Variants in PDE1C observed in about 807,000 individuals in gnomAD.
PDE1C encodes the protein phosphodiesterase 1C.
A neutral mutation model predicts 93.1 loss-of-function variants in PDE1C; 62 were observed. The ratio of observed to expected loss-of-function variants is 0.67; its 90% CI spans 0.54 to 0.82. The LOEUF is 0.82. PDE1C is among the 40% of genes least tolerant of loss of function. The pLI, the probability that PDE1C is intolerant of heterozygous loss-of-function variation, is 0.00. For missense variants in PDE1C, 742 were observed against 884.6 expected (o/e 0.84, Z 2.04); for synonymous variants, 325 against 310.1 (o/e 1.05, Z -0.50).
At chr7:31,836,839 C>T (rs1209240753) in intron 11 of PDE1C, among the ~76,000 whole-genome samples, 1 of 151,842 alleles carries the variant, frequency 6.6e-6, no homozygotes, top group Non-Finnish European at 1.5e-5. Context: ...CATCTTAATC[C>T]CATAGGGTGA....
intron 2 of PDE1C, among the ~76,000 whole-genome samples, chr7:32,186,992 T>A (rs982555717): frequency 1.3e-5 from 2 of 152,246 alleles, no homozygotes; most frequent in Admixed American, 6.5e-5. Flanking sequence ...CTACCAGAGC[T>A]AGCTCCTTTT....
chr7:32,007,704 TC>T (rs1786468771), intron 2 of PDE1C, among the ~76,000 whole-genome samples: 1 of 152,200 alleles, frequency 6.6e-6, no homozygotes, highest in South Asian at 2.1e-4. Context: ...GCACAACTAG[TC>T]ATTCCACGTA....
the PDE1C span, among the ~76,000 whole-genome samples, chr7:31,634,921 C>T: frequency 5.3e-5 from 8 of 152,130 alleles, no homozygotes; most frequent in South Asian, 2.1e-4. Context: ...GGCAATGAGA[C>T]GTCTCAAGTT....
intron 2 of PDE1C, among the ~76,000 whole-genome samples, chr7:31,924,519 C>A (rs911047349): frequency 6.6e-6 from 1 of 152,190 alleles, no homozygotes; most frequent in African/African-American, 2.4e-5. Context: ...ACAAATAAAT[C>A]TCTTCCTTGC....
intron 2 of PDE1C, among the ~76,000 whole-genome samples, chr7:32,196,196 T>A (rs548578068): frequency 6.6e-6 from 1 of 152,314 alleles, no homozygotes; most frequent in South Asian, 2.1e-4. Context: ...AGATACCTTG[T>A]TACAGCCTTG....
At chr7:31,669,893 C>T in the PDE1C span, among the ~76,000 whole-genome samples, 1 of 152,184 alleles carries the variant, frequency 6.6e-6, no homozygotes, top group Admixed American at 6.5e-5. Flanking sequence ...TCTCTAACCC[C>T]TACCCTTTGA....
In PDE1C at chr7:32,389,119, G is replaced by A. The variant is rs544839105; in HGVS notation, c.310+38703C>T. The stretch of plus-strand genomic sequence containing the variant: ...ATATAATCAGCTAGATGAAAGGCAG[G>A]TTATCTACAGTGGAACAACCTTTAA... On this transcript the variant is annotated intron_variant, in intron 1 of 1. Coordinates refer to the PDE1C transcript ENST00000672256. 9.3e-4 allele frequency among the ~76,000 whole-genome samples: 140 copies of A among 151,226 alleles called. No individual in the cohort carries two copies. The Middle Eastern group carries it at 0.01, about 11-fold the overall frequency.
chr7:31,885,270 A>G (rs1302681069), intron 2 of PDE1C, among the ~76,000 whole-genome samples: 2 of 152,212 alleles, frequency 1.3e-5, no homozygotes, highest in Non-Finnish European at 2.9e-5. Flanking sequence ...GAGAGAATGA[A>G]TGTTCATAGT....
chr7:32,335,462 GA>G (rs761293028), intron 1 of PDE1C, among the ~76,000 whole-genome samples: 105 of 152,210 alleles, frequency 6.9e-4, no homozygotes, highest in Non-Finnish European at 1.3e-3. Flanking sequence ...GTGGCTTAAA[GA>G]ATGGAAATTC....
At chr7:32,016,110 T>A (rs1787871873) in intron 2 of PDE1C, among the ~76,000 whole-genome samples, 1 of 152,202 alleles carries the variant, frequency 6.6e-6, no homozygotes, top group African/African-American at 2.4e-5. Flanking sequence ...AAGGTGGGAA[T>A]AAATATGACT....
chr7:31,661,490 A>G, the PDE1C span, among the ~76,000 whole-genome samples: 5 of 152,124 alleles, frequency 3.3e-5, no homozygotes, highest in East Asian at 1.9e-4. Flanking sequence ...AGGTGGGTGG[A>G]TCACCTGAGG....
At chr7:32,023,201 A>G (rs1335113265) in intron 2 of PDE1C, among the ~76,000 whole-genome samples, 3 of 152,132 alleles carry the variant, frequency 2.0e-5, no homozygotes, top group African/African-American at 4.8e-5. Context: ...AATAAGACGG[A>G]TAGAACAAAA....
chr7:31,911,655 C>G (rs528494330), intron 2 of PDE1C, among the ~76,000 whole-genome samples: 1 of 152,278 alleles, frequency 6.6e-6, no homozygotes, highest in East Asian at 1.9e-4. Context: ...AGAAGTCATT[C>G]CCATTTACTA....
At chr7:31,742,233 T>C in the PDE1C span, among the ~76,000 whole-genome samples, 1 of 152,230 alleles carries the variant, frequency 6.6e-6, no homozygotes, top group Non-Finnish European at 1.5e-5. Context: ...CACTTGCTCA[T>C]GAAGACCCTG....
the PDE1C span, among the ~76,000 whole-genome samples, chr7:31,642,497 C>T: frequency 5.9e-5 from 9 of 152,294 alleles, no homozygotes; most frequent in Admixed American, 5.2e-4. Context: ...TTTGACTTTT[C>T]TAAGCAAGGA....
At chr7:31,712,663 C>T in the PDE1C span, among the ~76,000 whole-genome samples, 1 of 152,128 alleles carries the variant, frequency 6.6e-6, no homozygotes, top group Non-Finnish European at 1.5e-5. Context: ...CCTTTTCATG[C>T]TGCTAATGAA....
At chr7:31,651,938 G>A in the PDE1C span, 1 of 1,586,754 alleles carries the variant, frequency 6.3e-7, no homozygotes, top group Non-Finnish European at 8.6e-7. Flanking sequence ...TTTACTTGCA[G>A]GGAGGAGGCC....
At chr7:31,974,055 T>C (rs1276995616) in intron 2 of PDE1C, among the ~76,000 whole-genome samples, 2 of 152,224 alleles carry the variant, frequency 1.3e-5, no homozygotes, top group Non-Finnish European at 2.9e-5. Flanking sequence ...ATTAAGCTTA[T>C]ACTAAAGTTG....
chr7:31,959,992 T>C (rs1026157654), intron 2 of PDE1C, among the ~76,000 whole-genome samples: 1 of 151,644 alleles, frequency 6.6e-6, no homozygotes, highest in Non-Finnish European at 1.5e-5. Context: ...CAGCCTCCTA[T>C]ATAGCTGGGA....
Sources: allele counts gnomAD v4.1 joint callset (sites outside exome capture counted in the v4.1 genomes callset), GRCh38; gene constraint gnomAD v4.1.1; transcripts MANE v1.5; gene names NCBI Gene and HGNC (gene_info 2026-07-23, HGNC 2026-07-21).